The following AKT3 variants were observed in gnomAD, a reference collection of about 807,000 sequenced individuals.
The protein encoded by AKT3 is RAC-gamma serine/threonine-protein kinase.
AKT3 carries 15 observed loss-of-function variants against 65.3 expected under a neutral mutation model. The observed-to-expected ratio is 0.23, with a 90% CI of 0.15 to 0.35. The LOEUF is 0.35. Ranked by LOEUF, AKT3 falls within the 10% of genes least tolerant of loss-of-function variation. The pLI, the probability that AKT3 is intolerant of heterozygous loss-of-function variation, is 1.00. For missense variants in AKT3, 243 were observed against 576.5 expected (o/e 0.42, Z 5.92); for synonymous variants, 206 against 183.8 (o/e 1.12, Z -0.98).
chr1:243,524,668 C>T (rs1670931744), intron 12 of AKT3, among the ~76,000 whole-genome samples: 1 of 152,208 alleles, frequency 6.6e-6, no homozygotes, highest in Non-Finnish European at 1.5e-5. Context: ...ATACAAAACA[C>T]TGCTGTGCCA....
chr1:243,575,207 T>C (rs1377176726), intron 8 of AKT3, among the ~76,000 whole-genome samples: 6 of 152,152 alleles, frequency 3.9e-5, no homozygotes, highest in Non-Finnish European at 8.8e-5. Flanking sequence ...TGAAACACAT[T>C]TCTGGGCTTT....
In AKT3 at chr1:243,694,595, T is replaced by C. The variant is rs370240708; in HGVS notation, c.172+996A>G. ...ACAAATCTTTTAACCCTTTGGTTTA[T>C]TGTTTTATCTTTTTCTTAAAAAAAA... On this transcript the variant is annotated intron_variant, in intron 3 of 13. Transcript: ENST00000673466. Among the ~76,000 whole-genome samples the C allele has an allele frequency of 4.6e-5, 7 of 152,080 alleles. No individual in the cohort carries two copies. In the East Asian group the frequency reaches 5.8e-4, roughly 13 times the overall value.
At chr1:243,534,843 T>C (rs1478588362) in intron 12 of AKT3, among the ~76,000 whole-genome samples, 3 of 152,088 alleles carry the variant, frequency 2.0e-5, no homozygotes, top group East Asian at 1.9e-4. Flanking sequence ...AAATAATGCT[T>C]AGAGGAAAAT....
intron 8 of AKT3, among the ~76,000 whole-genome samples, chr1:243,610,184 C>T (rs1677765862): frequency 6.6e-6 from 1 of 152,166 alleles, no homozygotes; most frequent in South Asian, 2.1e-4. Context: ...CTGTATACTA[C>T]ATCAATTTCT....
At chr1:243,517,658 C>T (rs1191072995) in intron 12 of AKT3, among the ~76,000 whole-genome samples, 1 of 152,148 alleles carries the variant, frequency 6.6e-6, no homozygotes, top group Non-Finnish European at 1.5e-5. Flanking sequence ...ATATAATTTT[C>T]TGTTCTATTA....
In AKT3 at chr1:243,500,982, A is replaced by G; in HGVS notation, c.*4267T>C. On this transcript the variant is annotated 3_prime_UTR_variant, in exon 14 of 14. Transcript: ENST00000673466. Reference sequence around the variant, plus strand: ...ATAAATTATACAATATTCTAAAAATAGCACCTTTAAAGAATTATAGAGGTC... The same window carrying G: ...ATAAATTATACAATATTCTAAAAATGGCACCTTTAAAGAATTATAGAGGTC... 1 of 228,544 alleles carries G rather than the reference A, an allele frequency of 4.4e-6. No individual in the cohort carries two copies. The highest frequency in any genetic ancestry group is 8.7e-6 in the Non-Finnish European group (1 of 115,182). 14.2% of individuals were successfully genotyped at this position (228,544 alleles called of 1,614,324 possible).
intron 3 of AKT3, among the ~76,000 whole-genome samples, chr1:243,671,533 T>C (rs950292851): frequency 3.3e-5 from 5 of 152,136 alleles, no homozygotes; most frequent in African/African-American, 1.2e-4. Context: ...TTGTTTAATG[T>C]TTTCACTAGG....
chr1:243,799,447 A>G (rs1692249079), intron 2 of AKT3, among the ~76,000 whole-genome samples: 1 of 152,204 alleles, frequency 6.6e-6, no homozygotes, highest in Non-Finnish European at 1.5e-5. Context: ...TATACTGTTA[A>G]TTATAGTTAC....
intron 5 of AKT3, among the ~76,000 whole-genome samples, chr1:243,642,552 G>T (rs546027466): frequency 1.3e-5 from 2 of 152,064 alleles, no homozygotes; most frequent in Non-Finnish European, 1.5e-5. Flanking sequence ...CTTGTGATCC[G>T]CCCACCTTGG....
intron 2 of AKT3, among the ~76,000 whole-genome samples, chr1:243,710,597 T>C (rs1686083311): frequency 6.6e-6 from 1 of 152,166 alleles, no homozygotes; most frequent in Non-Finnish European, 1.5e-5. Flanking sequence ...TCATCCAAAA[T>C]TATTCAGTAA....
intron 9 of AKT3, among the ~76,000 whole-genome samples, chr1:243,567,800 T>C (rs923186037): frequency 6.6e-6 from 1 of 152,146 alleles, no homozygotes; most frequent in African/African-American, 2.4e-5. Flanking sequence ...TAAAGATAAA[T>C]CAGGAGATAA....
chr1:243,515,976 CAA>C (rs34471647), intron 12 of AKT3, among the ~76,000 whole-genome samples: 24 of 139,680 alleles, frequency 1.7e-4, no homozygotes, highest in South Asian at 2.3e-4. Context: ...GACTCCATCT[CAA>C]AAAAAAAAAA....
At chr1:243,648,437 A>G (rs546178113) in intron 4 of AKT3, among the ~76,000 whole-genome samples, 1 of 152,302 alleles carries the variant, frequency 6.6e-6, no homozygotes, top group South Asian at 2.1e-4. Context: ...ATTTGGCCAC[A>G]TAACTTAAGC....
intron 5 of AKT3, among the ~76,000 whole-genome samples, chr1:243,642,538 T>C (rs1680502759): frequency 6.6e-6 from 1 of 152,182 alleles, no homozygotes; most frequent in South Asian, 2.1e-4. Context: ...CTCGATCTCC[T>C]GACCTTGTGA....
chr1:243,625,064 CT>C, intron 6 of AKT3: 3 of 311,936 alleles, frequency 9.6e-6, no homozygotes, highest in East Asian at 8.3e-5. Context: ...CACCCTTGCC[CT>C]TTCCCCACTT....
intron 4 of AKT3, among the ~76,000 whole-genome samples, chr1:243,649,884 G>A (rs1450736538): frequency 2.0e-5 from 3 of 152,190 alleles, no homozygotes; most frequent in Non-Finnish European, 2.9e-5. Flanking sequence ...ACGTGTGCAT[G>A]TGTCTTTATG....
chr1:243,612,559 T>C (rs1454730746), intron 8 of AKT3: 1 of 154,746 alleles, frequency 6.5e-6, no homozygotes, highest in Non-Finnish European at 1.4e-5. Context: ...CCCTATTTAA[T>C]AATTAAATTT....
At chr1:243,704,669 C>T (rs1327443521) in intron 2 of AKT3, among the ~76,000 whole-genome samples, 4 of 152,012 alleles carry the variant, frequency 2.6e-5, no homozygotes, top group African/African-American at 9.7e-5. Flanking sequence ...ATGTTGATTC[C>T]AAGATGAGGC....
intron 2 of AKT3, among the ~76,000 whole-genome samples, chr1:243,754,122 A>G (rs1304723094): frequency 6.6e-6 from 1 of 152,212 alleles, no homozygotes; most frequent in East Asian, 1.9e-4. Context: ...TGGAAGATAC[A>G]CAGCCAGCTT....
Sources: allele counts gnomAD v4.1 joint callset (sites outside exome capture counted in the v4.1 genomes callset), GRCh38; gene constraint gnomAD v4.1.1; transcripts MANE v1.5; gene names NCBI Gene and HGNC (gene_info 2026-07-23, HGNC 2026-07-21).